Variants in ZDHHC19 observed in about 807,000 individuals in gnomAD.
The protein encoded by ZDHHC19 is palmitoyltransferase ZDHHC19.
ZDHHC19 carries 30 observed loss-of-function variants against 33.9 expected under a neutral mutation model. That is an observed-to-expected ratio of 0.88 (90% CI 0.66 to 1.20). ZDHHC19 has a LOEUF of 1.20. Among genes scored for constraint, ZDHHC19 ranks in the 50% most tolerant of loss-of-function variants. The pLI is 0.00. For synonymous variants in ZDHHC19, 178 were observed against 167.6 expected, an observed-to-expected ratio of 1.06 and a Z score of -0.48; for missense variants, 364 against 401.1, an observed-to-expected ratio of 0.91 and a Z score of 0.79.
In ZDHHC19 at chr3:196,208,490, A is replaced by C; in HGVS notation, c.479T>G (p.Leu160Arg). The C allele has an allele frequency of 1.2e-6, 2 of 1,614,224 alleles. No homozygotes were observed. Among genetic ancestry groups the C allele is most frequent in the Non-Finnish European group, 1.7e-6 (2 of 1,180,016 alleles). Residue 160 changes from leucine to arginine, a missense_variant, in exon 4 of 8, where the codon CTT becomes CGT. Transcript: ENST00000296326. ...CGAGTAGAGGCACAGGGACAGGACA[A>C]GCAGCATGAAGAAGCGGAAGTTGCG... Reference protein sequence around the residue: ...GHRNFRFFMLLVLSLCLYSGA... With the variant: ...GHRNFRFFMLRVLSLCLYSGA...
At chr3:196,210,420 A>T (rs1723183982) in intron 2 of ZDHHC19, among the ~76,000 whole-genome samples, 196 bp downstream of exon 2, 1 of 117,112 alleles carries the variant, frequency 8.5e-6, no homozygotes, top group Non-Finnish European at 1.7e-5. Flanking sequence ...AGAGGAAGGA[A>T]GGAAAGAAAG....
At chr3:196,210,035 C>CA (rs111362798) in intron 2 of ZDHHC19, among the ~76,000 whole-genome samples, 4,610 of 152,046 alleles carry the variant, frequency 0.03, 182 homozygotes, top group African/African-American at 0.087. Flanking sequence ...ACTAAAAATA[C>CA]AAAAAATTAG....
intron 5 of ZDHHC19, among the ~76,000 whole-genome samples, chr3:196,202,910 G>A (rs1722474576): frequency 6.6e-6 from 1 of 152,166 alleles, no homozygotes; most frequent in Non-Finnish European, 1.5e-5. Context: ...CGATGTTAAG[G>A]GAGGGTTTTG....
intron 5 of ZDHHC19, among the ~76,000 whole-genome samples, chr3:196,206,144 C>T (rs918005926): frequency 6.6e-6 from 1 of 152,072 alleles, no homozygotes; most frequent in African/African-American, 2.4e-5. Flanking sequence ...TTCTGCTTCC[C>T]AGGTTCAAGC....
chr3:196,210,358 A>AAG (rs1723165792), intron 2 of ZDHHC19, among the ~76,000 whole-genome samples: 1 of 135,320 alleles, frequency 7.4e-6, no homozygotes, highest in South Asian at 2.5e-4. Flanking sequence ...GAAAGAAAGA[A>AAG]AGAAGGAAGG....
At chr3:196,200,555 CGTGTTAG>C (rs1722236938) in intron 5 of ZDHHC19, among the ~76,000 whole-genome samples, 1 of 149,022 alleles carries the variant, frequency 6.7e-6, no homozygotes, top group African/African-American at 2.5e-5. Flanking sequence ...GGGGTTTCAC[CGTGTTAG>C]CCAGGATGGT....
chr3:196,198,633 T>C lies in ZDHHC19; in HGVS notation c.773+156A>G, dbSNP rs1721997228. ...GCAGGAACACACAGAGCCAAGGACGTAGGGAGGCCCCAGAGCTCCCAGTGC... is the reference window on the plus strand; with the variant it reads ...GCAGGAACACACAGAGCCAAGGACGCAGGGAGGCCCCAGAGCTCCCAGTGC... On this transcript the variant is annotated intron_variant, in intron 6 of 7. Coordinates refer to ENST00000296326, the MANE Select transcript of ZDHHC19 (RefSeq NM_001039617.2). 2.6e-6 allele frequency: 4 copies of C among 1,553,010 alleles called. No homozygotes were observed. In the East Asian group the frequency reaches 7.1e-5, roughly 28 times the overall value.
chr3:196,210,284 A>AGG (rs1560142400), intron 2 of ZDHHC19, among the ~76,000 whole-genome samples: 7 of 147,694 alleles, frequency 4.7e-5, no homozygotes, highest in East Asian at 2.0e-4. Flanking sequence ...GAAAGAAAGA[A>AGG]AGAAGGAAGG....
intron 2 of ZDHHC19, among the ~76,000 whole-genome samples, chr3:196,210,270 G>GAAAA: frequency 8.5e-6 from 1 of 117,014 alleles, no homozygotes; most frequent in Non-Finnish European, 1.8e-5. Context: ...AAAGAAAAGA[G>GAAAA]AAAGAAAGAA....
Position 196,208,382 on chromosome 3 carries a change from G to T in ZDHHC19, c.581+6C>A. The T allele has an allele frequency of 6.2e-7, 1 of 1,613,402 alleles. No homozygotes were observed. The highest frequency in any genetic ancestry group is 1.1e-5 in the South Asian group (1 of 91,052). On this transcript the variant is annotated splice_donor_region_variant and intron_variant, in intron 4 of 7. Transcript: ENST00000296326. The stretch of plus-strand genomic sequence containing the variant: ...TCCTCTCCTGCTTCCCCACGTGGGC[G>T]GATACGCGATGGCCTTGTCGGTGGA...
At chr3:196,198,947 C>T in intron 5 of ZDHHC19, 73 bp from the exon 6 acceptor site, 1 of 1,501,956 alleles carries the variant, frequency 6.7e-7, no homozygotes, top group Non-Finnish European at 9.2e-7. Flanking sequence ...CAGTGGCCCT[C>T]CCTGAGCTGG....
At chr3:196,210,434 G>A (rs13096129) in intron 2 of ZDHHC19, among the ~76,000 whole-genome samples, 182 bp downstream of exon 2, 8 of 92,418 alleles carry the variant, frequency 8.7e-5, no homozygotes, top group East Asian at 7.0e-4. Context: ...AAGAAAGAAA[G>A]AGAAAGAAAG....
At chr3:196,207,201 AG>A (rs1241798326) in intron 5 of ZDHHC19, among the ~76,000 whole-genome samples, 196 bp downstream of exon 5, 2 of 152,184 alleles carry the variant, frequency 1.3e-5, no homozygotes, top group Non-Finnish European at 2.9e-5. Context: ...AGCACACAGT[AG>A]GCCCCCAGGA....
In ZDHHC19 at chr3:196,200,327, G is replaced by GATATATATATAT. The variant is rs374551956; in HGVS notation, c.688-1465_688-1454dup. Among the ~76,000 whole-genome samples, 154 of 116,774 alleles carry GATATATATATAT rather than the reference G, an allele frequency of 1.3e-3. 1 individual carries two copies. The highest frequency in any genetic ancestry group is 2.7e-3 in the South Asian group (11 of 4,018). The allele number at this position is 116,774 out of a possible 152,430, so 76.6% of individuals were successfully genotyped here. On this transcript the variant is annotated intron_variant, in intron 5 of 7. Transcript: ENST00000296326. Reference sequence around the variant, plus strand: ...TATTGACAGAATTTTAAAATTTAGGGATATATATATATATATGTATATATA... The same window carrying GATATATATATAT: ...TATTGACAGAATTTTAAAATTTAGGGATATATATATATATATATATATATATATGTATATATA...
At chr3:196,205,480 T>C (rs1283962012) in intron 5 of ZDHHC19, among the ~76,000 whole-genome samples, 3 of 152,018 alleles carry the variant, frequency 2.0e-5, no homozygotes, top group Non-Finnish European at 4.4e-5. Context: ...AAGCCACAGG[T>C]AGGGGGAGAA....
chr3:196,199,877 G>A lies in ZDHHC19; in HGVS notation c.688-1003C>T, dbSNP rs534718817. Among the ~76,000 whole-genome samples the A allele has an allele frequency of 5.9e-3, 903 of 151,966 alleles. 20 individuals carry two copies. The highest frequency in any genetic ancestry group is 0.019 in the African/African-American group (787 of 41,308). ...GAAGAATCGCTTGAACCCGGGAGGC[G>A]GAGGTTGCAGTGAGCCGAGATCATG... On this transcript the variant is annotated intron_variant, in intron 5 of 7. Coordinates refer to ENST00000296326, the MANE Select transcript of ZDHHC19 (RefSeq NM_001039617.2).
At chr3:196,200,617 G>C (rs1160122645) in intron 5 of ZDHHC19, among the ~76,000 whole-genome samples, 1 of 147,694 alleles carries the variant, frequency 6.8e-6, no homozygotes, top group African/African-American at 2.5e-5. Context: ...GCCTCCCAAA[G>C]TGCTGGGATT....
In ZDHHC19 at chr3:196,200,705, G is replaced by A. The variant is rs1022857305; in HGVS notation, c.688-1831C>T. Among the ~76,000 whole-genome samples, 3 of 149,116 alleles carry A rather than the reference G, an allele frequency of 2.0e-5. 1 individual carries two copies. The highest frequency in any genetic ancestry group is 6.7e-5 in the Admixed American group (1 of 14,852). On this transcript the variant is annotated intron_variant, in intron 5 of 7. Transcript: ENST00000296326. Reference sequence around the variant, plus strand: ...TTTTGCTCTTGTTGCCCAGGCTGGAGTGCAGTGATCATAGGTCCTCACAAA... The same window carrying A: ...TTTTGCTCTTGTTGCCCAGGCTGGAATGCAGTGATCATAGGTCCTCACAAA...
At chr3:196,208,353 C>T (rs1170535397) in intron 4 of ZDHHC19, 35 bp downstream of exon 4, 2 of 1,609,066 alleles carry the variant, frequency 1.2e-6, no homozygotes, top group Non-Finnish European at 1.7e-6. Context: ...TGGCTGTCCC[C>T]GCCTCCTCTC....
Sources: allele counts gnomAD v4.1 joint callset (sites outside exome capture counted in the v4.1 genomes callset), GRCh38; gene constraint gnomAD v4.1.1; transcripts MANE v1.5; gene names NCBI Gene and HGNC (gene_info 2026-07-23, HGNC 2026-07-21).